The following EYS variants were observed in gnomAD, a reference collection of about 807,000 sequenced individuals.
EYS encodes EGF-like photoreceptor maintenance factor, also known as protein eyes shut homolog.
In EYS, 250 loss-of-function variants were observed where a neutral mutation model predicts 282.1. The observed-to-expected ratio is 0.89, with a 90% CI of 0.80 to 0.98. The LOEUF (loss-of-function observed/expected upper bound fraction) is 0.98, where lower values mean the gene tolerates loss of function less well. Among genes scored for constraint, EYS ranks in the 50% least tolerant of loss-of-function variants. The pLI, the probability that EYS is intolerant of heterozygous loss-of-function variation, is 0.00. For synonymous variants in EYS, 1,355 were observed against 1,282.9 expected (o/e 1.06, Z -1.20); for missense variants, 4,016 against 3,709.0 (o/e 1.08, Z -2.15).
At position 65,519,784 on chromosome 6, in the gene EYS, C is replaced by G. The variant is rs138994737; in HGVS notation, c.-332-23791G>C. ...AGGCTGGAGTGTAGTGGAGTGCTCA[C>G]AGTTCACTGCAGCCTCAACCTCCCG... On this transcript the variant is annotated intron_variant, in intron 2 of 42. Transcript: ENST00000503581. 7.0e-4 allele frequency among the ~76,000 whole-genome samples: 93 copies of G among 133,250 alleles called. 2 individuals carry two copies. In the East Asian group the frequency reaches 0.016, roughly 23 times the overall value. 87.4% of individuals were successfully genotyped at this position (133,250 alleles called of 152,430 possible). A position where few individuals can be genotyped will look rare whatever the true frequency, so the allele number is the denominator to read the frequency against.
intron 5 of EYS, among the ~76,000 whole-genome samples, chr6:65,466,421 T>A (rs1406557989): frequency 1.3e-5 from 2 of 152,028 alleles, no homozygotes; most frequent in African/African-American, 4.8e-5. Flanking sequence ...TAGAAACAAA[T>A]TCATTCAGGA....
intron 11 of EYS, among the ~76,000 whole-genome samples, chr6:65,314,192 A>G (rs951682563): frequency 6.6e-6 from 1 of 151,202 alleles, no homozygotes; most frequent in Non-Finnish European, 1.5e-5. Context: ...ACTTTCTCAA[A>G]TGTTACCTTC....
chr6:65,162,055 C>T (rs1561997712), intron 12 of EYS, among the ~76,000 whole-genome samples: 2 of 151,176 alleles, frequency 1.3e-5, no homozygotes, highest in Non-Finnish European at 3.0e-5. Context: ...CAAACCATTG[C>T]AAGGAATACA....
chr6:64,677,688 C>T (rs1016701014), intron 22 of EYS, among the ~76,000 whole-genome samples: 3 of 151,984 alleles, frequency 2.0e-5, no homozygotes, highest in Non-Finnish European at 2.9e-5. Flanking sequence ...CTAAAAGTTT[C>T]AGTATCCACT....
rs568908503 is a variant in EYS at position 65,283,498 on chromosome 6, AT to A, written c.2023+12364del. On this transcript the variant is annotated intron_variant, in intron 12 of 42. Coordinates refer to ENST00000503581, the MANE Select transcript of EYS (RefSeq NM_001142800.2). ...GTTAATAACATCTTTTATTTTTTCT[AT>A]TTTTTTTACATTTAAAATATTCTAA... Among the ~76,000 whole-genome samples, 394 of 151,304 alleles carry A rather than the reference AT, an allele frequency of 2.6e-3. 7 individuals carry two copies. The highest frequency in any genetic ancestry group is 8.6e-3 in the African/African-American group (357 of 41,330).
At chr6:65,331,563 T>C (rs1769799174) in intron 11 of EYS, 1 of 970,272 alleles carries the variant, frequency 1.0e-6, no homozygotes, top group South Asian at 4.8e-5. Flanking sequence ...CATTAAAGTG[T>C]TGATAAATTA....
chr6:64,990,017 T>C (rs1329150713), intron 14 of EYS, among the ~76,000 whole-genome samples: 2 of 151,438 alleles, frequency 1.3e-5, no homozygotes, highest in African/African-American at 4.8e-5. Flanking sequence ...TACTTGCACA[T>C]GTGCTTGTTT....
At chr6:65,552,133 A>G (rs1768617832) in intron 2 of EYS, among the ~76,000 whole-genome samples, 1 of 152,026 alleles carries the variant, frequency 6.6e-6, no homozygotes, top group Non-Finnish European at 1.5e-5. Context: ...ATGAGATACT[A>G]TATCTTTCTG....
intron 22 of EYS, among the ~76,000 whole-genome samples, chr6:64,781,315 T>A (rs1211902402): frequency 6.6e-6 from 1 of 152,158 alleles, no homozygotes; most frequent in African/African-American, 2.4e-5. Context: ...GACTAAGGCA[T>A]CTAGTTTGTA....
intron 14 of EYS, among the ~76,000 whole-genome samples, chr6:64,949,223 G>C (rs1186450201): frequency 6.6e-6 from 1 of 151,870 alleles, no homozygotes; most frequent in Non-Finnish European, 1.5e-5. Flanking sequence ...GTTTCAATAA[G>C]TCAGTGTACA....
intron 11 of EYS, among the ~76,000 whole-genome samples, chr6:65,325,557 G>C (rs948429230): frequency 5.9e-5 from 9 of 152,066 alleles, no homozygotes; most frequent in Admixed American, 3.9e-4. Flanking sequence ...TTTGACTCCA[G>C]GACACTTGTT....
chr6:64,871,966 T>C lies in EYS; in HGVS notation c.2992+14731A>G, dbSNP rs577417380. On this transcript the variant is annotated intron_variant, in intron 19 of 42. Coordinates refer to ENST00000503581, the MANE Select transcript of EYS (RefSeq NM_001142800.2). Reference sequence around the variant, plus strand: ...AGAGCAGAAGGCTGAGAGGTGATTATAAAAGTCTTTATCCAGAAATAGATA... The same window carrying C: ...AGAGCAGAAGGCTGAGAGGTGATTACAAAAGTCTTTATCCAGAAATAGATA... 3.3e-5 allele frequency among the ~76,000 whole-genome samples: 5 copies of C among 152,126 alleles called. No individual in the cohort carries two copies. In the South Asian group the frequency reaches 1.0e-3, roughly 32 times the overall value.
intron 22 of EYS, among the ~76,000 whole-genome samples, chr6:64,704,675 C>T (rs1468302795): frequency 2.0e-5 from 3 of 151,682 alleles, no homozygotes; most frequent in Non-Finnish European, 4.4e-5. Flanking sequence ...TTTCCTCCTC[C>T]TGGATTTTGG....
intron 18 of EYS, among the ~76,000 whole-genome samples, chr6:64,890,428 A>C (rs539011750): frequency 6.6e-6 from 1 of 152,226 alleles, no homozygotes; most frequent in South Asian, 2.1e-4. Flanking sequence ...GAACCTACAG[A>C]CATGTGATGT....
chr6:65,458,674 C>T (rs1189781994), intron 5 of EYS, among the ~76,000 whole-genome samples: 1 of 152,114 alleles, frequency 6.6e-6, no homozygotes, highest in Non-Finnish European at 1.5e-5. Flanking sequence ...TAATCAAGTA[C>T]ATGTAATGCA....
At chr6:65,427,412 A>C (rs572485282) in intron 5 of EYS, among the ~76,000 whole-genome samples, 20 of 152,020 alleles carry the variant, frequency 1.3e-4, no homozygotes, top group Non-Finnish European at 2.8e-4. Flanking sequence ...TGCATTGACT[A>C]TCTCATGTTA....
chr6:64,919,820 A>G (rs1768280858), intron 15 of EYS, among the ~76,000 whole-genome samples: 1 of 152,172 alleles, frequency 6.6e-6, no homozygotes, highest in African/African-American at 2.4e-5. Flanking sequence ...TTTCTAAAAA[A>G]CAATTCAAGG....
intron 30 of EYS, among the ~76,000 whole-genome samples, chr6:64,255,387 G>C (rs948003784): frequency 1.3e-5 from 2 of 151,908 alleles, no homozygotes; most frequent in African/African-American, 4.8e-5. Context: ...CCTAGGTCTA[G>C]TTTTCTCTTT....
chr6:65,548,541 G>T (rs1199195497), intron 2 of EYS, among the ~76,000 whole-genome samples: 1 of 152,110 alleles, frequency 6.6e-6, no homozygotes, highest in Non-Finnish European at 1.5e-5. Context: ...CTATCCAATG[G>T]AAGTTTCCAC....
Sources: allele counts gnomAD v4.1 joint callset (sites outside exome capture counted in the v4.1 genomes callset), GRCh38; gene constraint gnomAD v4.1.1; transcripts MANE v1.5; gene names NCBI Gene and HGNC (gene_info 2026-07-23, HGNC 2026-07-21).